The following ZNF865 variants were observed in gnomAD, a reference collection of about 807,000 sequenced individuals.
ZNF865 encodes the protein zinc finger protein 865.
For missense variants in ZNF865, 1,311 were observed against 1,593.4 expected, an observed-to-expected ratio of 0.82 and a Z score of 3.02; for synonymous variants, 763 against 750.8, an observed-to-expected ratio of 1.02 and a Z score of -0.27.
chr19:55,616,713 T>G lies in ZNF865; in HGVS notation c.3095T>G (p.Leu1032Arg). 1 of 1,522,998 alleles carries G rather than the reference T, an allele frequency of 6.6e-7. No individual in the cohort carries two copies. Among genetic ancestry groups the G allele is most frequent in the Non-Finnish European group, 8.8e-7 (1 of 1,140,604 alleles). 94.3% of individuals were successfully genotyped at this position (1,522,998 alleles called of 1,614,324 possible). A position where few individuals can be genotyped will look rare whatever the true frequency, so the allele number is the denominator to read the frequency against. ...GAGGGCTTCGCCAACACCTACGGCC[T>G]CAAGAAACACCGCCTGGCGCACAAG... ...CGEGFANTYG[L>R]KKHRLAHKAE... Residue 1032 changes from leucine (L) to arginine (R), a missense_variant, in exon 2 of 2, where the codon CTC becomes CGC. Leu to Arg is a moderately radical substitution (Grantham distance 102, BLOSUM62 -2). Coordinates refer to ENST00000568956, the MANE Select transcript of ZNF865 (RefSeq NM_001195605.2).
rs1448637380 is a variant in ZNF865, at chr19:55,616,515, G to A, written c.2897G>A (p.Gly966Asp). ...CGCGCCTACCGCTGTGAGCACTGCG[G>A]CAAGGGCTTCTTCTACCTGAGCTCC... is the stretch of plus-strand genomic sequence containing the variant. ...GERAYRCEHC[G>D]KGFFYLSSVL... Residue 966 changes from glycine to aspartate, a missense_variant, in exon 2 of 2, where the codon GGC (glycine) becomes GAC (aspartate). Transcript: ENST00000568956. 45 of 1,534,616 alleles carry A rather than the reference G, an allele frequency of 2.9e-5. 1 individual carries two copies. The highest frequency in any genetic ancestry group is 3.8e-5 in the Non-Finnish European group (43 of 1,146,258).
In ZNF865 at chr19:55,616,282, C is replaced by G. The variant is rs1340235300; in HGVS notation, c.2664C>G (p.Ser888=). The change falls in exon 2 of 2, where the codon TCC becomes TCG. Residue 888 remains serine (S), a synonymous_variant. Transcript: ENST00000568956. ...TGTGCGGCCGAGGCTTCCTGCGCTCCTGGTACCTGCGGCAGCACCGCGTGG... is the reference window on the plus strand; with the variant it reads ...TGTGCGGCCGAGGCTTCCTGCGCTCGTGGTACCTGCGGCAGCACCGCGTGG... The part of the protein sequence containing the change: ...CGVCGRGFLR[S]WYLRQHRVVH... 2 of 1,519,344 alleles carry G rather than the reference C, an allele frequency of 1.3e-6. No individual in the cohort carries two copies. The highest frequency in any genetic ancestry group is 1.8e-6 in the Non-Finnish European group (2 of 1,137,880). The allele number at this position is 1,519,344 out of a possible 1,614,324, so 94.1% of individuals were successfully genotyped here.
In ZNF865 at chr19:55,615,151, G is replaced by C. The variant is rs926787292; in HGVS notation, c.1533G>C (p.Ala511=). 2 of 1,225,982 alleles carry C rather than the reference G, an allele frequency of 1.6e-6. No homozygotes were observed. Among genetic ancestry groups the C allele is most frequent in the African/African-American group, 3.2e-5 (2 of 61,736 alleles). 75.9% of individuals were successfully genotyped at this position (1,225,982 alleles called of 1,614,324 possible). The part of the protein sequence containing the change: ...TDSEKAAAAA[A]AVVYGAVPVP... Reference sequence around the variant, plus strand: ...GCGAGAAGGCGGCGGCGGCCGCGGCGGCGGTGGTGTACGGCGCTGTGCCCG... The same window carrying C: ...GCGAGAAGGCGGCGGCGGCCGCGGCCGCGGTGGTGTACGGCGCTGTGCCCG... The change falls in exon 2 of 2, where the codon GCG becomes GCC. Residue 511 remains alanine (A), a synonymous_variant. Transcript: ENST00000568956.
intron 1 of ZNF865, among the ~76,000 whole-genome samples, chr19:55,607,380 G>A (rs536261749): frequency 6.0e-5 from 9 of 150,658 alleles, no homozygotes; most frequent in Non-Finnish European, 1.0e-4. Flanking sequence ...TGGGAGGATC[G>A]CTGGAGGCCA....
intron 1 of ZNF865, among the ~76,000 whole-genome samples, chr19:55,609,296 C>T (rs1188277327): frequency 6.6e-6 from 1 of 152,198 alleles, no homozygotes; most frequent in Admixed American, 6.5e-5. Flanking sequence ...GCTGGCATTA[C>T]AGGCATGAGC....
At position 55,607,564 on chromosome 19, in the gene ZNF865, TAAAAAC is replaced by T. The variant is rs552467744; in HGVS notation, c.-27+1839_-27+1844del. ...AGTTCGAGGCTGCAGTGAAAAAAAA[TAAAAAC>T]AAAAACCAAGAGTATATGTGCGTGT... On this transcript the variant is annotated intron_variant, in intron 1 of 1. Coordinates refer to ENST00000568956, the MANE Select transcript of ZNF865 (RefSeq NM_001195605.2). 1.4e-3 allele frequency among the ~76,000 whole-genome samples: 207 copies of T among 148,404 alleles called. 5 individuals carry two copies. The South Asian group carries it at 0.042, about 30-fold the overall frequency.
In ZNF865 at chr19:55,615,353, C is replaced by G. The variant is rs866218048; in HGVS notation, c.1735C>G (p.Gln579Glu). Residue 579 changes from glutamine to glutamate, a missense_variant, in exon 2 of 2, where the codon CAG (glutamine) becomes GAG (glutamate). Gln to Glu is a conservative substitution (Grantham distance 29, BLOSUM62 2). Coordinates refer to ENST00000568956, the MANE Select transcript of ZNF865 (RefSeq NM_001195605.2). ...ERIHTGEKPH[Q>E]CPVCGKRFRE... ...CATCCACACGGGCGAGAAGCCCCAC[C>G]AGTGCCCCGTGTGTGGGAAGCGCTT... 5.3e-6 allele frequency: 8 copies of G among 1,514,648 alleles called. No individual in the cohort carries two copies. Among genetic ancestry groups the G allele is most frequent in the Non-Finnish European group, 6.2e-6 (7 of 1,138,180 alleles). The allele number at this position is 1,514,648 out of a possible 1,614,324, so 93.8% of individuals were successfully genotyped here. A position where few individuals can be genotyped will look rare whatever the true frequency, so the allele number is the denominator to read the frequency against.
chr19:55,609,451 G>A (rs990785324), intron 1 of ZNF865, among the ~76,000 whole-genome samples: 1 of 152,222 alleles, frequency 6.6e-6, no homozygotes, highest in Non-Finnish European at 1.5e-5. Context: ...AGTTACAAGA[G>A]TGCTGGGCTG....
At position 55,614,559 on chromosome 19, in the gene ZNF865, C is replaced by G; in HGVS notation, c.941C>G (p.Ser314Trp). 1 of 1,483,008 alleles carries G rather than the reference C, an allele frequency of 6.7e-7. No individual in the cohort carries two copies. The highest frequency in any genetic ancestry group is 8.9e-7 in the Non-Finnish European group (1 of 1,123,746). The allele number at this position is 1,483,008 out of a possible 1,614,324, so 91.9% of individuals were successfully genotyped here. ...ATAAAPSTVS[S>W]GPPATPVAPA... ...GCCGCCGCCCCCTCCACGGTGTCCTCGGGCCCTCCAGCCACGCCCGTGGCG... is the reference window on the plus strand; with the variant it reads ...GCCGCCGCCCCCTCCACGGTGTCCTGGGGCCCTCCAGCCACGCCCGTGGCG... Residue 314 changes from serine to tryptophan, a missense_variant, in exon 2 of 2, where the codon TCG becomes TGG. Coordinates refer to ENST00000568956, the MANE Select transcript of ZNF865 (RefSeq NM_001195605.2). The surrounding 1 kb of genome is among the most constrained non-coding windows in gnomAD (Gnocchi z 8.0).
In ZNF865 at chr19:55,615,022, C is replaced by A; in HGVS notation, c.1404C>A (p.Ala468=). 7.5e-7 allele frequency: 1 copy of A among 1,332,750 alleles called. No homozygotes were observed. Among genetic ancestry groups the A allele is most frequent in the Non-Finnish European group, 9.6e-7 (1 of 1,046,390 alleles). 82.6% of individuals were successfully genotyped at this position (1,332,750 alleles called of 1,614,324 possible). Residue 468 remains alanine (A), a synonymous_variant, in exon 2 of 2, where the codon GCC becomes GCA. Transcript: ENST00000568956. ...RHKAAHAPPA[A]AAEAPKDGAA... is the part of the protein sequence containing the mutation. ...AGGCCGCCCACGCCCCGCCCGCTGC[C>A]GCTGCGGAGGCGCCCAAGGACGGGG...
chr19:55,613,601 G>A lies in ZNF865; in HGVS notation c.-18G>A, dbSNP rs1046635502. 1.9e-5 allele frequency: 28 copies of A among 1,501,302 alleles called. No homozygotes were observed. Among genetic ancestry groups the A allele is most frequent in the Non-Finnish European group, 2.0e-5 (23 of 1,129,972 alleles). 93.0% of individuals were successfully genotyped at this position (1,501,302 alleles called of 1,614,324 possible). ...CGTCCTCCTCTTCACAGGGTCTCCC[G>A]TCTCCCACCCGCCGGAGATGGAGGC... On this transcript the variant is annotated 5_prime_UTR_variant, in exon 2 of 2. Transcript: ENST00000568956.
Position 55,617,232 on chromosome 19 carries a change from G to T in ZNF865, c.*434G>T, listed in dbSNP as rs981614812. The stretch of plus-strand genomic sequence containing the variant: ...GGGGGCGGGGTGGCAGACGCGGCTT[G>T]TACAGAGCGGAGAATAATAAATCTT... On this transcript the variant is annotated 3_prime_UTR_variant, in exon 2 of 2. Transcript: ENST00000568956. 6.2e-6 allele frequency: 1 copy of T among 162,524 alleles called. No individual in the cohort carries two copies. Among genetic ancestry groups the T allele is most frequent in the African/African-American group, 2.4e-5 (1 of 41,822 alleles). The allele number at this position is 162,524 out of a possible 1,614,324, so 10.1% of individuals were successfully genotyped here. A position where few individuals can be genotyped will look rare whatever the true frequency, so the allele number is the denominator to read the frequency against.
rs1432221105 is a variant in ZNF865 at position 55,615,934 on chromosome 19, C to T, written c.2316C>T (p.Asp772=). ...TGGCAGGGGTGTCTGGGGGTGAGGA[C>T]GCAGGCGGGGCGGCGGTGGCAGGTG... is the stretch of plus-strand genomic sequence containing the variant. ...AALAGVSGGE[D]AGGAAVAGAG... The change falls in exon 2 of 2, where the codon GAC becomes GAT. Residue 772 remains aspartate (D), a synonymous_variant. Coordinates refer to ENST00000568956, the MANE Select transcript of ZNF865 (RefSeq NM_001195605.2). 3 of 1,501,698 alleles carry T rather than the reference C, an allele frequency of 2.0e-6. No homozygotes were observed. Among genetic ancestry groups the T allele is most frequent in the Admixed American group, 4.2e-5 (2 of 47,424 alleles). The allele number at this position is 1,501,698 out of a possible 1,614,324, so 93.0% of individuals were successfully genotyped here.
chr19:55,610,115 T>C (rs1981079467), intron 1 of ZNF865, among the ~76,000 whole-genome samples: 1 of 152,222 alleles, frequency 6.6e-6, no homozygotes, highest in South Asian at 2.1e-4. Context: ...ATCAGCTTAG[T>C]CTCATCGCTT....
Position 55,616,342 on chromosome 19 carries a change from G to A in ZNF865, c.2724G>A (p.Val908=), listed in dbSNP as rs779827469. 1.3e-6 allele frequency: 2 copies of A among 1,522,798 alleles called. No individual in the cohort carries two copies. Among genetic ancestry groups the A allele is most frequent in the South Asian group, 2.4e-5 (2 of 82,736 alleles). The allele number at this position is 1,522,798 out of a possible 1,614,324, so 94.3% of individuals were successfully genotyped here. The change falls in exon 2 of 2, where the codon GTG becomes GTA. Residue 908 remains valine, a synonymous_variant. Transcript: ENST00000568956. ...HTGERAFKCG[V]CAKRFAQSSS... ...GCGAGCGGGCCTTCAAGTGCGGCGT[G>A]TGCGCCAAGCGCTTCGCGCAGTCGT...
At chr19:55,608,714 A>G (rs1211669591) in intron 1 of ZNF865, among the ~76,000 whole-genome samples, 2 of 152,140 alleles carry the variant, frequency 1.3e-5, no homozygotes, top group African/African-American at 4.8e-5. Context: ...TGGGAATAAT[A>G]ATAACACATT....
chr19:55,614,954 T>A lies in ZNF865; in HGVS notation c.1336T>A (p.Cys446Ser). The A allele has an allele frequency of 6.8e-7, 1 of 1,471,986 alleles. No homozygotes were observed. The highest frequency in any genetic ancestry group is 8.9e-7 in the Non-Finnish European group (1 of 1,118,874). 91.2% of individuals were successfully genotyped at this position (1,471,986 alleles called of 1,614,324 possible). A position where few individuals can be genotyped will look rare whatever the true frequency, so the allele number is the denominator to read the frequency against. The stretch of plus-strand genomic sequence containing the variant: ...TCGGCCCGTGTACCCCTGCGACCTG[T>A]GCGGCAAGTCCTACTCGGCTCCGCA... ...GPRPVYPCDL[C>S]GKSYSAPQSL... Residue 446 changes from cysteine to serine, a missense_variant, in exon 2 of 2, where the codon TGC (cysteine) becomes AGC (serine). Cys to Ser is a moderately radical substitution (Grantham distance 112). Coordinates refer to ENST00000568956, the MANE Select transcript of ZNF865 (RefSeq NM_001195605.2). The surrounding 1 kb of genome is among the most constrained non-coding windows in gnomAD (Gnocchi z 8.0).
In ZNF865 at chr19:55,615,021, C is replaced by T. The variant is rs1226642144; in HGVS notation, c.1403C>T (p.Ala468Val). ...RHKAAHAPPAAAAEAPKDGAA... is the reference protein window; with the variant it reads ...RHKAAHAPPAVAAEAPKDGAA... Reference sequence around the variant, plus strand: ...AAGGCCGCCCACGCCCCGCCCGCTGCCGCTGCGGAGGCGCCCAAGGACGGG... The same window carrying T: ...AAGGCCGCCCACGCCCCGCCCGCTGTCGCTGCGGAGGCGCCCAAGGACGGG... Residue 468 changes from alanine to valine, a missense_variant, in exon 2 of 2, where the codon GCC becomes GTC. By Grantham distance (64) the Ala-to-Val change is moderately conservative. Transcript: ENST00000568956. 1.5e-6 allele frequency: 2 copies of T among 1,334,280 alleles called. No homozygotes were observed. Among genetic ancestry groups the T allele is most frequent in the East Asian group, 3.4e-5 (1 of 29,654 alleles). 82.7% of individuals were successfully genotyped at this position (1,334,280 alleles called of 1,614,324 possible).
rs745959264 is a variant in ZNF865, at chr19:55,614,759, T to A, written c.1141T>A (p.Ser381Thr). Residue 381 changes from serine to threonine, a missense_variant, in exon 2 of 2, where the codon TCC becomes ACC. Transcript: ENST00000568956. The surrounding 1 kb of genome is among the most constrained non-coding windows in gnomAD (Gnocchi z 8.0). Reference sequence around the variant, plus strand: ...CACGGGCGAGAAGCCCTTCTCCTGCTCCGTGTGCAGCAAAAGCTTCAACCG... The same window carrying A: ...CACGGGCGAGAAGCCCTTCTCCTGCACCGTGTGCAGCAAAAGCTTCAACCG... ...IHTGEKPFSC[S>T]VCSKSFNRRE... 1.9e-6 allele frequency: 3 copies of A among 1,580,602 alleles called. No individual in the cohort carries two copies. Among genetic ancestry groups the A allele is most frequent in the South Asian group, 2.3e-5 (2 of 88,236 alleles).
Sources: gnomAD v4.1 joint callset for allele counts (sites outside exome capture counted in the v4.1 genomes callset) on GRCh38, gnomAD v4.1.1 for gene constraint, Gnocchi (gnomAD v3.1) non-coding constraint, MANE v1.5 for transcripts, NCBI Gene and HGNC (gene_info 2026-07-23, HGNC 2026-07-21) for gene names.